The following SLC2A2 variants were observed in gnomAD, a reference collection of about 807,000 sequenced individuals.
SLC2A2 encodes the protein solute carrier family 2, facilitated glucose transporter member 2.
Under a neutral mutation model 54.5 loss-of-function variants are expected in SLC2A2, and 36 were observed. The ratio of observed to expected loss-of-function variants is 0.66; its 90% CI spans 0.51 to 0.87. The LOEUF (loss-of-function observed/expected upper bound fraction) is 0.87, where lower values mean the gene tolerates loss of function less well. Ranked by LOEUF, SLC2A2 falls within the 40% of genes least tolerant of loss-of-function variation. The probability of loss-of-function intolerance (pLI) is 0.00; values close to 1 mark genes in which losing one functional copy is unlikely to be tolerated. For missense variants in SLC2A2, 543 were observed against 624.3 expected, an observed-to-expected ratio of 0.87 and a Z score of 1.39; for synonymous variants, 223 against 219.1, an observed-to-expected ratio of 1.02 and a Z score of -0.16.
At position 170,999,168 on chromosome 3, in the gene SLC2A2, T is replaced by C; in HGVS notation, c.1069-2A>G. On this transcript the variant is annotated splice_acceptor_variant, in intron 8 of 10. Coordinates refer to ENST00000314251, the MANE Select transcript of SLC2A2 (RefSeq NM_000340.2). LOFTEE classifies it high-confidence loss of function. Reference sequence around the variant, plus strand: ...CCCTGCCTTCTCCACAAGGAATACCTAGGACAATTTTAAAGAAATTATCTC... The same window carrying C: ...CCCTGCCTTCTCCACAAGGAATACCCAGGACAATTTTAAAGAAATTATCTC... The C allele has an allele frequency of 6.3e-7, 1 of 1,578,866 alleles. No individual in the cohort carries two copies. The highest frequency in any genetic ancestry group is 1.3e-5 in the African/African-American group (1 of 74,332).
At position 171,020,366 on chromosome 3, in the gene SLC2A2, C is replaced by G. The variant is rs147139123; in HGVS notation, c.16-1743G>C. 7.2e-5 allele frequency among the ~76,000 whole-genome samples: 11 copies of G among 152,196 alleles called. No homozygotes were observed. The East Asian group carries it at 2.1e-3, about 29-fold the overall frequency. ...CTTGGAGACAGCCCCAGATCTTCTACTGGATTAGAATCTCTGGGGTGGGGA... is the reference window on the plus strand; with the variant it reads ...CTTGGAGACAGCCCCAGATCTTCTAGTGGATTAGAATCTCTGGGGTGGGGA... On this transcript the variant is annotated intron_variant, in intron 1 of 10. Transcript: ENST00000314251.
rs773878999 is a variant in SLC2A2 at position 171,007,214 on chromosome 3, G to A, written c.546C>T (p.Thr182=). The part of the protein sequence containing the change: ...VPMYIGEIAP[T]ALRGALGTFH... ...AAGTGCCAAGTGCTCCCCTGAGAGC[G>A]GTTGGAGCAATTTCACCGATATACA... Residue 182 remains threonine, a synonymous_variant, in exon 5 of 11, where the codon ACC becomes ACT. Transcript: ENST00000314251. 5.1e-5 allele frequency: 82 copies of A among 1,612,568 alleles called. No individual in the cohort carries two copies. The highest frequency in any genetic ancestry group is 6.6e-5 in the Non-Finnish European group (78 of 1,179,108).
intron 7 of SLC2A2, among the ~76,000 whole-genome samples, chr3:171,004,981 G>C (rs1008953714): frequency 2.0e-5 from 3 of 151,856 alleles, no homozygotes; most frequent in East Asian, 3.9e-4. Context: ...GCAGTTTTTT[G>C]GGGGAGGGTT....
At chr3:171,026,212 T>A (rs1716685213) in intron 1 of SLC2A2, among the ~76,000 whole-genome samples, 1 of 152,154 alleles carries the variant, frequency 6.6e-6, no homozygotes, top group African/African-American at 2.4e-5. Context: ...TTTTCTTCCT[T>A]CCACAATCTA....
intron 2 of SLC2A2, among the ~76,000 whole-genome samples, chr3:171,018,007 C>T (rs994566647): frequency 6.6e-6 from 1 of 152,120 alleles, no homozygotes; most frequent in Non-Finnish European, 1.5e-5. Context: ...ACCATAATCT[C>T]TTTTAGTTTA....
intron 9 of SLC2A2, among the ~76,000 whole-genome samples, chr3:170,998,838 C>T (rs1012405014): frequency 6.6e-6 from 1 of 152,178 alleles, no homozygotes; most frequent in Admixed American, 6.5e-5. Flanking sequence ...GGTACATGGC[C>T]TCCCTGGATG....
rs941732182 is a variant in SLC2A2 at position 170,996,939 on chromosome 3, C to T, written c.*964G>A. 5.7e-5 allele frequency: 18 copies of T among 316,754 alleles called. No individual in the cohort carries two copies. Among genetic ancestry groups the T allele is most frequent in the African/African-American group, 3.7e-4 (17 of 46,506 alleles). The allele number at this position is 316,754 out of a possible 1,614,324, so 19.6% of individuals were successfully genotyped here. ...CAACTTATTTTGAGACATAATAATT[C>T]AGAAAATATTTTTAACAAAGTGATC... On this transcript the variant is annotated 3_prime_UTR_variant, in exon 11 of 11. Transcript: ENST00000314251.
At chr3:171,014,357 A>T (rs1413349617) in intron 3 of SLC2A2, 112 bp downstream of exon 3, 7 of 1,240,606 alleles carry the variant, frequency 5.6e-6, no homozygotes, top group Non-Finnish European at 6.9e-6. Context: ...TGAGTTGAAA[A>T]AACAACTCTA....
chr3:171,026,713 T>C lies in SLC2A2; in HGVS notation c.-43A>G. The C allele has an allele frequency of 1.9e-6, 3 of 1,587,888 alleles. No homozygotes were observed. The highest frequency in any genetic ancestry group is 2.6e-6 in the Non-Finnish European group (3 of 1,155,914). ...CTGTCAATTCCAGGTCTTGTGTGAG[T>C]GTGGCACATGCACCTGACTAGCTCC... On this transcript the variant is annotated 5_prime_UTR_variant, in exon 1 of 11. Coordinates refer to ENST00000314251, the MANE Select transcript of SLC2A2 (RefSeq NM_000340.2).
At chr3:171,004,845 C>T (rs1715516634) in intron 7 of SLC2A2, among the ~76,000 whole-genome samples, 1 of 151,920 alleles carries the variant, frequency 6.6e-6, no homozygotes, top group Admixed American at 6.6e-5. Context: ...TCTTAGATGG[C>T]AGGAACTGCT....
intron 2 of SLC2A2, among the ~76,000 whole-genome samples, chr3:171,015,544 A>G (rs538684874): frequency 1.6e-4 from 25 of 152,330 alleles, no homozygotes; most frequent in African/African-American, 5.8e-4. Flanking sequence ...AGCAGGATTT[A>G]AATTGACTTA....
chr3:171,016,625 A>G (rs1007765000), intron 2 of SLC2A2, among the ~76,000 whole-genome samples: 1 of 150,000 alleles, frequency 6.7e-6, no homozygotes, highest in African/African-American at 2.5e-5. Context: ...AATAATCCCA[A>G]ATGTCATTCA....
At chr3:171,026,372 T>C (rs925746537) in intron 1 of SLC2A2, among the ~76,000 whole-genome samples, 1,728 of 138,288 alleles carry the variant, frequency 0.012, 26 homozygotes, top group African/African-American at 0.049. Flanking sequence ...TGCCCCCTTT[T>C]TTTTTTTTTT....
At chr3:171,015,652 A>T (rs1163025073) in intron 2 of SLC2A2, among the ~76,000 whole-genome samples, 1 of 152,148 alleles carries the variant, frequency 6.6e-6, no homozygotes, top group African/African-American at 2.4e-5. Flanking sequence ...GAATTCAAAC[A>T]CTAGATGGTG....
At chr3:171,021,596 G>A (rs188474980) in intron 1 of SLC2A2, among the ~76,000 whole-genome samples, 107 of 152,240 alleles carry the variant, frequency 7.0e-4, no homozygotes, top group Admixed American at 1.5e-3. Flanking sequence ...GACCAGCCTG[G>A]GCAGCATAGC....
Position 170,998,082 on chromosome 3 carries a change from AC to A in SLC2A2, c.1395del (p.Phe467SerfsTer47). 1 of 1,613,676 alleles carries A rather than the reference AC, an allele frequency of 6.2e-7. No homozygotes were observed. Among genetic ancestry groups the A allele is most frequent in the Non-Finnish European group, 8.5e-7 (1 of 1,179,784 alleles). ...AGGAGCACTCCAGCAAAGAGGAAAA[AC>A]ACATAAGGTCCACAGAAGTCCTGGA... ...QYIADFCGPY[V>X]FFLFAGVLLA... On this transcript the variant is annotated frameshift_variant, in exon 11 of 11. Coordinates refer to ENST00000314251, the MANE Select transcript of SLC2A2 (RefSeq NM_000340.2). LOFTEE classifies it high-confidence loss of function.
chr3:171,024,244 T>C (rs1225141510), intron 1 of SLC2A2, among the ~76,000 whole-genome samples: 5 of 152,234 alleles, frequency 3.3e-5, no homozygotes, highest in Admixed American at 2.0e-4. Context: ...TTTAATCATG[T>C]CTTTATCATC....
intron 4 of SLC2A2, among the ~76,000 whole-genome samples, chr3:171,007,783 G>T (rs1576831668): frequency 6.6e-6 from 1 of 151,984 alleles, no homozygotes. Flanking sequence ...CTGTTAAGGT[G>T]GTGACGAGGG....
chr3:170,997,910 G>T lies in SLC2A2; in HGVS notation c.1568C>A (p.Thr523Asn). ...VEMKFLGATE[T>N]V ...AAAAGCAGGGTTTTTTTTTTACACA[G>T]TCTCTGTAGCTCCTAGGAATTTCAT... is the stretch of plus-strand genomic sequence containing the variant. The change falls in exon 11 of 11, where the codon ACT becomes AAT. Residue 523 changes from threonine to asparagine, a missense_variant. By Grantham distance (65) the Thr-to-Asn change is moderately conservative. Transcript: ENST00000314251. 6.2e-7 allele frequency: 1 copy of T among 1,611,258 alleles called. No individual in the cohort carries two copies. The highest frequency in any genetic ancestry group is 1.1e-5 in the South Asian group (1 of 90,866).
Sources: allele counts gnomAD v4.1 joint callset (sites outside exome capture counted in the v4.1 genomes callset), GRCh38; gene constraint gnomAD v4.1.1; transcripts MANE v1.5; gene names NCBI Gene and HGNC (gene_info 2026-07-23, HGNC 2026-07-21).